The following STMN4 variants were observed in gnomAD, a reference collection of about 807,000 sequenced individuals.
STMN4 encodes stathmin 4.
In STMN4, 12 loss-of-function variants were observed where a neutral mutation model predicts 29.1. That is an observed-to-expected ratio of 0.41 (90% confidence interval 0.26 to 0.67). The LOEUF (loss-of-function observed/expected upper bound fraction) is 0.67, where lower values mean the gene tolerates loss of function less well. Among genes scored for constraint, STMN4 ranks in the 30% least tolerant of loss-of-function variants. The probability of loss-of-function intolerance (pLI) is 0.30; values close to 1 mark genes in which losing one functional copy is unlikely to be tolerated. For missense variants in STMN4, 181 were observed against 262.8 expected, an observed-to-expected ratio of 0.69 and a Z score of 2.15; for synonymous variants, 114 against 105.3, an observed-to-expected ratio of 1.08 and a Z score of -0.51.
At chr8:27,239,211 G>T (rs1801394971) in intron 6 of STMN4, 3 of 1,534,986 alleles carry the variant, frequency 2.0e-6, no homozygotes, top group Non-Finnish European at 2.6e-6. Context: ...AAGGAGCGGG[G>T]ACCACGCTGC....
chr8:27,250,231 T>A lies in STMN4; in HGVS notation c.-78-6430A>T, dbSNP rs909167750. Among the ~76,000 whole-genome samples the A allele has an allele frequency of 8.5e-5, 13 of 152,218 alleles. 1 individual carries two copies. On this transcript the variant is annotated intron_variant, in intron 1 of 6. Transcript: ENST00000350889. ...TTGCTTTGGGATGAATCATGTCAGC[T>A]CAGAACAGTGGCCCTGGTTATTTCA...
At chr8:27,239,264 G>C in intron 6 of STMN4, 1 of 1,535,648 alleles carries the variant, frequency 6.5e-7, no homozygotes, top group African/African-American at 1.4e-5. Flanking sequence ...GGGAGTCACC[G>C]CGCAGCAGGC....
chr8:27,247,724 A>T (rs1035891352), intron 1 of STMN4, among the ~76,000 whole-genome samples: 1 of 152,246 alleles, frequency 6.6e-6, no homozygotes, highest in African/African-American at 2.4e-5. Flanking sequence ...GAGCACACAG[A>T]GTGCCAGGGA....
chr8:27,244,212 C>T (rs1324668516), intron 1 of STMN4, among the ~76,000 whole-genome samples: 1 of 152,182 alleles, frequency 6.6e-6, no homozygotes, highest in Non-Finnish European at 1.5e-5. Flanking sequence ...GTGTCCTGGA[C>T]TTCTCCCCGC....
intron 6 of STMN4, chr8:27,239,693 G>C: frequency 6.9e-7 from 1 of 1,439,284 alleles, no homozygotes; most frequent in Middle Eastern, 1.8e-4. Flanking sequence ...GCTTCTTCTA[G>C]AAAATCAGAC....
At chr8:27,243,838 G>T in intron 1 of STMN4, 37 bp from the exon 2 acceptor site, 1 of 1,571,310 alleles carries the variant, frequency 6.4e-7, no homozygotes, top group Non-Finnish European at 8.8e-7. Context: ...ACCATCGATG[G>T]ATTAGACAGG....
chr8:27,254,813 T>C (rs1398197434), intron 1 of STMN4, among the ~76,000 whole-genome samples: 1 of 119,542 alleles, frequency 8.4e-6, no homozygotes, highest in African/African-American at 3.4e-5. Context: ...GTGGGAGTGT[T>C]CAGATGTGGG....
intron 1 of STMN4, among the ~76,000 whole-genome samples, chr8:27,258,137 G>A (rs1801996458): frequency 6.6e-6 from 1 of 152,122 alleles, no homozygotes; most frequent in South Asian, 2.1e-4. Flanking sequence ...TGGAATAAAA[G>A]TGGCACCCGG....
intron 1 of STMN4, among the ~76,000 whole-genome samples, chr8:27,248,611 C>CA (rs148910809): frequency 0.062 from 9,510 of 152,236 alleles, 416 homozygotes; most frequent in Non-Finnish European, 0.092. Flanking sequence ...GCAATAATAA[C>CA]AACTACCATT....
chr8:27,251,335 T>C (rs1248542963), intron 1 of STMN4, among the ~76,000 whole-genome samples: 1 of 116,104 alleles, frequency 8.6e-6, no homozygotes, highest in African/African-American at 3.2e-5. Context: ...TACGTGTATA[T>C]ATATTATATA....
chr8:27,239,312 A>G, intron 6 of STMN4: 3 of 1,534,792 alleles, frequency 2.0e-6, no homozygotes, highest in Non-Finnish European at 2.6e-6. Context: ...GAGCTCTCCC[A>G]GGAGCTGCAG....
rs147097194 is a variant in STMN4 at position 27,257,876 on chromosome 8, C to T, written c.-79+475G>A. On this transcript the variant is annotated intron_variant, in intron 1 of 6. Coordinates refer to ENST00000350889, the MANE Select transcript of STMN4 (RefSeq NM_030795.4). ...TTAGAACCAAGAGAAAAAAGTAACC[C>T]GTGCATAGAGCCGAAGGAAAAGATG... is the stretch of plus-strand genomic sequence containing the variant. Among the ~76,000 whole-genome samples, 23 of 152,150 alleles carry T rather than the reference C, an allele frequency of 1.5e-4. No homozygotes were observed. In the East Asian group the frequency reaches 4.2e-3, roughly 28 times the overall value.
In STMN4 at chr8:27,239,621, T is replaced by C. The variant is rs545073673; in HGVS notation, c.591+350A>G. ...TCTTTCCTTCCATCAAATCAATCCATTCAGGGATGAAGCTAGGAATGCATA... is the reference window on the plus strand; with the variant it reads ...TCTTTCCTTCCATCAAATCAATCCACTCAGGGATGAAGCTAGGAATGCATA... On this transcript the variant is annotated intron_variant, in intron 6 of 6. Coordinates refer to ENST00000350889, the MANE Select transcript of STMN4 (RefSeq NM_030795.4). The C allele has an allele frequency of 3.7e-5, 45 of 1,227,460 alleles. No homozygotes were observed. In the African/African-American group the frequency reaches 3.8e-4, roughly 10 times the overall value. The allele number at this position is 1,227,460 out of a possible 1,614,324, so 76.0% of individuals were successfully genotyped here.
chr8:27,237,503 C>T (rs1195403782), intron 6 of STMN4, among the ~76,000 whole-genome samples: 2 of 152,210 alleles, frequency 1.3e-5, no homozygotes, highest in Non-Finnish European at 2.9e-5. Flanking sequence ...GACCCTCCCA[C>T]CTCTGTCTCC....
Position 27,247,343 on chromosome 8 carries a change from T to C in STMN4, c.-78-3542A>G, listed in dbSNP as rs149608422. Among the ~76,000 whole-genome samples, 278 of 151,924 alleles carry C rather than the reference T, an allele frequency of 1.8e-3. 2 individuals carry two copies. Among genetic ancestry groups the C allele is most frequent in the African/African-American group, 6.4e-3 (266 of 41,426 alleles). On this transcript the variant is annotated intron_variant, in intron 1 of 6. Transcript: ENST00000350889. Reference sequence around the variant, plus strand: ...AATCCTCATGCCAACAGTCACATCATTTCTTTTGCACTCAAGACCCAAAAG... The same window carrying C: ...AATCCTCATGCCAACAGTCACATCACTTCTTTTGCACTCAAGACCCAAAAG...
chr8:27,253,796 T>A (rs931152955), intron 1 of STMN4, among the ~76,000 whole-genome samples: 2 of 152,118 alleles, frequency 1.3e-5, no homozygotes, highest in Non-Finnish European at 2.9e-5. Context: ...ATTGTTTTTT[T>A]TTTTAAGACG....
At chr8:27,258,087 G>A (rs1801995202) in intron 1 of STMN4, among the ~76,000 whole-genome samples, 1 of 152,114 alleles carries the variant, frequency 6.6e-6, no homozygotes, top group Admixed American at 6.5e-5. Context: ...GCTCACCATA[G>A]CATCTGACAA....
intron 1 of STMN4, among the ~76,000 whole-genome samples, chr8:27,244,675 G>C (rs762946580): frequency 1.3e-5 from 2 of 152,010 alleles, no homozygotes; most frequent in Non-Finnish European, 2.9e-5. Flanking sequence ...GCCAAGGGTC[G>C]GGGTGAGAAC....
chr8:27,249,803 G>C (rs1246455633), intron 1 of STMN4, among the ~76,000 whole-genome samples: 1 of 152,202 alleles, frequency 6.6e-6, no homozygotes, highest in East Asian at 1.9e-4. Context: ...CACCTACTGG[G>C]TGTATGCCTG....
Sources: gnomAD v4.1 joint callset for allele counts (sites outside exome capture counted in the v4.1 genomes callset) on GRCh38, gnomAD v4.1.1 for gene constraint, MANE v1.5 for transcripts, NCBI Gene and HGNC (gene_info 2026-07-23, HGNC 2026-07-21) for gene names.